Variants in UQCC2 observed in about 807,000 individuals in gnomAD.
UQCC2 encodes the protein ubiquinol-cytochrome c reductase complex assembly factor 2.
In UQCC2, 21 loss-of-function variants were observed where a neutral mutation model predicts 19.9. The observed-to-expected ratio is 1.05, with a 90% CI of 0.75 to 1.52. The LOEUF (loss-of-function observed/expected upper bound fraction) is 1.52, where lower values mean the gene tolerates loss of function less well. Among genes scored for constraint, UQCC2 ranks in the 40% most tolerant of loss-of-function variants. UQCC2 has a pLI of 0.00. For missense variants in UQCC2, 135 were observed against 157.5 expected (o/e 0.86, Z 0.76); for synonymous variants, 57 against 60.9 (o/e 0.94, Z 0.30).
intron 1 of UQCC2, among the ~76,000 whole-genome samples, chr6:33,702,573 C>A (rs1765653682): frequency 6.6e-6 from 1 of 152,176 alleles, no homozygotes. Context: ...ACAGCAGTGC[C>A]CCTGCTGGAC....
intron 1 of UQCC2, among the ~76,000 whole-genome samples, chr6:33,710,155 C>T (rs1340165002): frequency 6.6e-6 from 1 of 152,138 alleles, no homozygotes; most frequent in South Asian, 2.1e-4. Context: ...AACCTGAATC[C>T]AACCACTTCC....
chr6:33,711,630 G>T lies in UQCC2; in HGVS notation c.57C>A (p.Asp19Glu). Residue 19 changes from aspartate (D) to glutamate (E), a missense_variant, in exon 1 of 4, where the codon GAC (aspartate) becomes GAA (glutamate). Asp to Glu is a conservative substitution (Grantham distance 45). Coordinates refer to ENST00000607484, the MANE Select transcript of UQCC2 (RefSeq NM_032340.4). ...FLKLCEEWPV[D>E]ETKRGRDLGA... ...CCAAGTCCCGGCCCCGTTTGGTCTCGTCCACTGGCCATTCCTCACAGAGCT... is the reference window on the plus strand; with the variant it reads ...CCAAGTCCCGGCCCCGTTTGGTCTCTTCCACTGGCCATTCCTCACAGAGCT... 6.2e-7 allele frequency: 1 copy of T among 1,614,022 alleles called. No homozygotes were observed. Among genetic ancestry groups the T allele is most frequent in the Non-Finnish European group, 8.5e-7 (1 of 1,179,948 alleles).
intron 1 of UQCC2, 67 bp downstream of exon 1, chr6:33,711,482 C>A (rs1765770924): frequency 7.9e-6 from 12 of 1,514,414 alleles, no homozygotes; most frequent in Non-Finnish European, 1.1e-5. Flanking sequence ...CCTGCTAGCG[C>A]GCTCGTTGGC....
In UQCC2 at chr6:33,700,494, G is replaced by C. The variant is rs1765626157; in HGVS notation, c.233C>G (p.Thr78Ser). The C allele has an allele frequency of 6.2e-7, 1 of 1,614,082 alleles. No individual in the cohort carries two copies. The highest frequency in any genetic ancestry group is 1.7e-5 in the Admixed American group (1 of 60,006). Residue 78 changes from threonine (T) to serine (S), a missense_variant, in exon 3 of 4, where the codon ACC (threonine) becomes AGC (serine). Coordinates refer to ENST00000607484, the MANE Select transcript of UQCC2 (RefSeq NM_032340.4). ...TTCCAACGACAGGCCACTGAAGCTG[G>C]TGTCTCTGGGGCGAGGGTACTGGTC... ...YKHKYPRPRD[T>S]SFSGLSLEEY...
At position 33,696,950 on chromosome 6, in the gene UQCC2, T is replaced by G. The variant is rs1271602526; in HGVS notation, c.*703A>C. On this transcript the variant is annotated 3_prime_UTR_variant, in exon 4 of 4. Coordinates refer to ENST00000607484, the MANE Select transcript of UQCC2 (RefSeq NM_032340.4). ...CAGTAAGAGCCAAGGTTCCATGGAA[T>G]AATGAGGTGACCCTGTGTGTGTCCT... 1.3e-5 allele frequency: 2 copies of G among 152,320 alleles called. No individual in the cohort carries two copies. Among genetic ancestry groups the G allele is most frequent in the Admixed American group, 1.3e-4 (2 of 15,290 alleles). 9.4% of individuals were successfully genotyped at this position (152,320 alleles called of 1,614,324 possible).
Position 33,700,441 on chromosome 6 carries a change from T to C in UQCC2, c.283+3A>G, listed in dbSNP as rs775983068. ...TGAGAAAAGGCAGCTGTGCTTTCAT[T>C]ACCTGTGGACAGGATCAGCTTGTAC... On this transcript the variant is annotated splice_donor_region_variant and intron_variant, in intron 3 of 3. Transcript: ENST00000607484. 17 of 1,613,778 alleles carry C rather than the reference T, an allele frequency of 1.1e-5. No individual in the cohort carries two copies. Among genetic ancestry groups the C allele is most frequent in the Admixed American group, 1.7e-5 (1 of 59,992 alleles).
intron 1 of UQCC2, among the ~76,000 whole-genome samples, chr6:33,706,756 C>T (rs1561891271): frequency 6.6e-6 from 1 of 152,212 alleles, no homozygotes; most frequent in African/African-American, 2.4e-5. Context: ...CTCCAAGAGC[C>T]TGGGAAGCCA....
chr6:33,707,425 A>T (rs749789863), intron 1 of UQCC2, among the ~76,000 whole-genome samples: 1 of 152,212 alleles, frequency 6.6e-6, no homozygotes, highest in Non-Finnish European at 1.5e-5. Flanking sequence ...AATGCCAAGG[A>T]CCAGGCCTCA....
chr6:33,711,524 T>G (rs1038008771), intron 1 of UQCC2, 25 bp downstream of exon 1: 3 of 1,586,140 alleles, frequency 1.9e-6, no homozygotes. Flanking sequence ...CCTCCCCTCG[T>G]CCCAGCCGCC....
chr6:33,711,509 C>G (rs746684936), intron 1 of UQCC2, 40 bp downstream of exon 1: 1 of 1,567,384 alleles, frequency 6.4e-7, no homozygotes, highest in East Asian at 2.3e-5. Flanking sequence ...CCTGCCTCGT[C>G]CTTTCCTCCC....
At position 33,711,575 on chromosome 6, in the gene UQCC2, C is replaced by G. The variant is rs200180350; in HGVS notation, c.112G>C (p.Ala38Pro). The change falls in exon 1 of 4, where the codon GCC becomes CCC. Residue 38 changes from alanine (A) to proline (P), a missense_variant. By Grantham distance (27) the Ala-to-Pro change is conservative. Coordinates refer to ENST00000607484, the MANE Select transcript of UQCC2 (RefSeq NM_032340.4). ...TGGGTATTCTCTCCCTCCCGAAAGG[C>G]CTGTGCTACCCGCTGTCGCAGGTAA... ...GAYLRQRVAQ[A>P]FREGENTQVA... The G allele has an allele frequency of 3.7e-6, 6 of 1,613,032 alleles. No individual in the cohort carries two copies. In the East Asian group the frequency reaches 1.1e-4, roughly 30 times the overall value.
rs937225270 is a variant in UQCC2 at position 33,700,486 on chromosome 6, T to C, written c.241A>G (p.Ser81Gly). The change falls in exon 3 of 4, where the codon AGT (serine) becomes GGT (glycine). Residue 81 changes from serine (S) to glycine (G), a missense_variant. Physicochemically the swap from Ser to Gly is moderately conservative, Grantham distance 56. Coordinates refer to ENST00000607484, the MANE Select transcript of UQCC2 (RefSeq NM_032340.4). Reference protein sequence around the residue: ...KYPRPRDTSFSGLSLEEYKLI... With the variant: ...KYPRPRDTSFGGLSLEEYKLI... ...TTGTACTCTTCCAACGACAGGCCAC[T>C]GAAGCTGGTGTCTCTGGGGCGAGGG... 1.2e-6 allele frequency: 2 copies of C among 1,614,028 alleles called. No individual in the cohort carries two copies. Among genetic ancestry groups the C allele is most frequent in the African/African-American group, 1.3e-5 (1 of 74,910 alleles).
At chr6:33,704,941 G>C (rs894071172) in intron 1 of UQCC2, among the ~76,000 whole-genome samples, 1 of 152,150 alleles carries the variant, frequency 6.6e-6, no homozygotes, top group African/African-American at 2.4e-5. Flanking sequence ...GGCATGGGGG[G>C]CGGGTCACCC....
At chr6:33,710,737 G>C (rs1027151843) in intron 1 of UQCC2, among the ~76,000 whole-genome samples, 10 of 152,212 alleles carry the variant, frequency 6.6e-5, no homozygotes, top group African/African-American at 2.4e-4. Flanking sequence ...CTTCATGCGG[G>C]CAGGACTTCA....
intron 1 of UQCC2, 42 bp downstream of exon 1, chr6:33,711,507 G>GTCCTT (rs1410734185): frequency 1.9e-6 from 3 of 1,563,218 alleles, no homozygotes; most frequent in Non-Finnish European, 2.6e-6. Flanking sequence ...CCCCTGCCTC[G>GTCCTT]TCCTTTCCTC....
intron 1 of UQCC2, among the ~76,000 whole-genome samples, chr6:33,704,708 C>A (rs1363262839): frequency 6.6e-6 from 1 of 152,190 alleles, no homozygotes; most frequent in East Asian, 1.9e-4. Flanking sequence ...CTCTCCTGGG[C>A]TCCTAACACT....
At chr6:33,697,790 CTA>C (rs1266441800) in intron 3 of UQCC2, 40 bp from the exon 4 acceptor site, 1 of 1,556,466 alleles carries the variant, frequency 6.4e-7, no homozygotes, top group South Asian at 1.1e-5. Context: ...GGACTGAAGT[CTA>C]AAACTTGATG....
intron 1 of UQCC2, among the ~76,000 whole-genome samples, chr6:33,705,955 T>G (rs1370221227): frequency 2.0e-5 from 3 of 152,238 alleles, no homozygotes; most frequent in Non-Finnish European, 1.5e-5. Flanking sequence ...AAAATAGATG[T>G]TCATCTGACG....
intron 1 of UQCC2, among the ~76,000 whole-genome samples, chr6:33,703,735 C>T (rs1305564606): frequency 6.6e-6 from 1 of 152,140 alleles, no homozygotes; most frequent in Non-Finnish European, 1.5e-5. Flanking sequence ...CCCTTCACCC[C>T]ATAATATTTC....
Sources: gnomAD v4.1 joint callset for allele counts (sites outside exome capture counted in the v4.1 genomes callset) on GRCh38, gnomAD v4.1.1 for gene constraint, MANE v1.5 for transcripts, NCBI Gene and HGNC (gene_info 2026-07-23, HGNC 2026-07-21) for gene names.